Variants in NTRK3 observed in about 807,000 individuals in gnomAD.
The protein encoded by NTRK3 is neurotrophic receptor tyrosine kinase 3, also known as NT-3 growth factor receptor.
In NTRK3, 24 loss-of-function variants were observed where a neutral mutation model predicts 91.7. The observed-to-expected ratio is 0.26, with a 90% CI of 0.19 to 0.37. The LOEUF (loss-of-function observed/expected upper bound fraction) is 0.37, where lower values mean the gene tolerates loss of function less well. Among genes scored for constraint, NTRK3 ranks in the 10% least tolerant of loss-of-function variants. The pLI, the probability that NTRK3 is intolerant of heterozygous loss-of-function variation, is 1.00. For synonymous variants in NTRK3, 483 were observed against 404.0 expected, an observed-to-expected ratio of 1.20 and a Z score of -2.34; for missense variants, 880 against 1,068.9, an observed-to-expected ratio of 0.82 and a Z score of 2.46.
Position 88,247,605 on chromosome 15 carries a change from G to A in NTRK3, c.248+8301C>T, listed in dbSNP as rs568545210. ...ATTGCATAGGTCTGAACATGACAGT[G>A]ACCCTACGGGGGTGCCGGGCTGGAG... On this transcript the variant is annotated intron_variant, in intron 3 of 18. Coordinates refer to ENST00000394480, the Ensembl canonical transcript of NTRK3. Among the ~76,000 whole-genome samples, 215 of 152,300 alleles carry A rather than the reference G, an allele frequency of 1.4e-3. 1 individual carries two copies. Among genetic ancestry groups the A allele is most frequent in the Non-Finnish European group, 1.9e-4 (13 of 68,028 alleles).
intron 17 of NTRK3, among the ~76,000 whole-genome samples, chr15:87,912,441 G>C (rs554908961): frequency 6.6e-6 from 1 of 152,256 alleles, no homozygotes; most frequent in African/African-American, 2.4e-5. Flanking sequence ...TCTGGGGATT[G>C]ATCACTAATC....
intron 5 of NTRK3, among the ~76,000 whole-genome samples, chr15:88,169,223 T>C (rs1452913069): frequency 1.3e-5 from 2 of 152,158 alleles, no homozygotes; most frequent in Admixed American, 1.3e-4. Context: ...GGCAGGGAGT[T>C]TGGTTCATAT....
rs547009158 is a variant in NTRK3, at chr15:88,018,367, G to A, written c.1585+14490C>T. On this transcript the variant is annotated intron_variant, in intron 14 of 18. Transcript: ENST00000394480. ...TCTCCAAGATCTCCCAAAAGGTGGGGGTGTGGGTGAATTGGAAGTCAGCTG... is the reference window on the plus strand; with the variant it reads ...TCTCCAAGATCTCCCAAAAGGTGGGAGTGTGGGTGAATTGGAAGTCAGCTG... Among the ~76,000 whole-genome samples, 4 of 152,296 alleles carry A rather than the reference G, an allele frequency of 2.6e-5. No individual in the cohort carries two copies. In the East Asian group the frequency reaches 7.7e-4, roughly 29 times the overall value.
At chr15:88,091,191 G>A in intron 13 of NTRK3, among the ~76,000 whole-genome samples, 1 of 152,162 alleles carries the variant, frequency 6.6e-6, no homozygotes, top group East Asian at 1.9e-4. Context: ...GGGGAAAAAG[G>A]TTAGACCTTT....
At chr15:88,193,689 G>C (rs1466083429) in intron 3 of NTRK3, among the ~76,000 whole-genome samples, 1 of 152,050 alleles carries the variant, frequency 6.6e-6, no homozygotes, top group Non-Finnish European at 1.5e-5. Context: ...CTTCCCATGT[G>C]GACTTTCTAC....
intron 5 of NTRK3, among the ~76,000 whole-genome samples, chr15:88,167,467 G>A (rs147898215): frequency 4.6e-5 from 7 of 152,338 alleles, no homozygotes; most frequent in Non-Finnish European, 1.0e-4. Flanking sequence ...ACTTCTAGCT[G>A]TGTGGTCTTG....
At chr15:87,958,582 CAGG>C (rs2071915663) in intron 14 of NTRK3, among the ~76,000 whole-genome samples, 2 of 152,094 alleles carry the variant, frequency 1.3e-5, no homozygotes, top group South Asian at 2.1e-4. Flanking sequence ...GCCCCTAGCC[CAGG>C]AGTTTTCCTT....
intron 3 of NTRK3, among the ~76,000 whole-genome samples, chr15:88,229,942 G>A (rs769120644): frequency 1.1e-4 from 16 of 152,210 alleles, no homozygotes; most frequent in Non-Finnish European, 1.6e-4. Flanking sequence ...ACAGAACTGG[G>A]TAGCACAGGG....
intron 14 of NTRK3, among the ~76,000 whole-genome samples, chr15:88,006,976 G>A (rs2076538695): frequency 6.6e-6 from 1 of 152,114 alleles, no homozygotes; most frequent in South Asian, 2.1e-4. Context: ...GCTGGGAGAG[G>A]CACAGGGAGC....
intron 17 of NTRK3, among the ~76,000 whole-genome samples, chr15:87,918,795 A>G (rs1290875151): frequency 6.6e-6 from 1 of 152,210 alleles, no homozygotes; most frequent in Non-Finnish European, 1.5e-5. Flanking sequence ...GAGGGTAGGA[A>G]ATAAACCAAC....
At chr15:87,911,499 G>A (rs746908903) in intron 17 of NTRK3, among the ~76,000 whole-genome samples, 3 of 152,174 alleles carry the variant, frequency 2.0e-5, no homozygotes, top group Non-Finnish European at 4.4e-5. Flanking sequence ...CCACTATCTT[G>A]TAGGACGGTC....
intron 5 of NTRK3, among the ~76,000 whole-genome samples, chr15:88,174,350 C>A (rs916990794): frequency 2.6e-5 from 4 of 152,156 alleles, no homozygotes; most frequent in Non-Finnish European, 5.9e-5. Context: ...GGCCACCTAT[C>A]CCTGCTGCAG....
chr15:88,022,706 C>T (rs1027103046), intron 14 of NTRK3, among the ~76,000 whole-genome samples: 3 of 152,184 alleles, frequency 2.0e-5, no homozygotes, highest in Admixed American at 1.3e-4. Context: ...CGGGAAATGA[C>T]ATTACTCCAA....
intron 5 of NTRK3, among the ~76,000 whole-genome samples, chr15:88,173,125 A>T (rs772022793): frequency 6.6e-6 from 1 of 152,218 alleles, no homozygotes; most frequent in South Asian, 2.1e-4. Context: ...AGAGGACAAT[A>T]AAGGCGCCAC....
chr15:88,212,145 C>G (rs28437887), intron 3 of NTRK3, among the ~76,000 whole-genome samples: 4,917 of 152,038 alleles, frequency 0.032, 228 homozygotes, highest in African/African-American at 0.1. Flanking sequence ...GAGGTGGGCA[C>G]ATCACGAGGT....
At chr15:88,161,543 A>G (rs2044457716) in intron 5 of NTRK3, among the ~76,000 whole-genome samples, 1 of 152,116 alleles carries the variant, frequency 6.6e-6, no homozygotes, top group Admixed American at 6.5e-5. Flanking sequence ...CTGAGAGGGG[A>G]ATTGGAGTCC....
chr15:88,132,348 T>A (rs527442737), intron 10 of NTRK3, among the ~76,000 whole-genome samples: 1 of 152,328 alleles, frequency 6.6e-6, no homozygotes, highest in South Asian at 2.1e-4. Context: ...TTCCTTTAAG[T>A]CTCATGGTAG....
At chr15:87,948,484 T>C (rs2070786926) in intron 14 of NTRK3, among the ~76,000 whole-genome samples, 1 of 152,120 alleles carries the variant, frequency 6.6e-6, no homozygotes, top group Non-Finnish European at 1.5e-5. Context: ...GGTCAGGAGT[T>C]CAAGACCAGC....
At chr15:88,093,416 C>T (rs1212014119) in intron 13 of NTRK3, among the ~76,000 whole-genome samples, 1 of 152,142 alleles carries the variant, frequency 6.6e-6, no homozygotes, top group Admixed American at 6.6e-5. Context: ...GGAACATTTA[C>T]AGTAGACCTG....
Sources: allele counts gnomAD v4.1 joint callset (sites outside exome capture counted in the v4.1 genomes callset), GRCh38; gene constraint gnomAD v4.1.1; transcripts MANE v1.5; gene names NCBI Gene and HGNC (gene_info 2026-07-23, HGNC 2026-07-21).